The following FAR2 variants were observed in gnomAD, a reference collection of about 807,000 sequenced individuals.
FAR2 encodes fatty acyl-CoA reductase 2, also known as epididymis secretory protein Li 81.
A neutral mutation model predicts 56.0 loss-of-function variants in FAR2; 19 were observed. The ratio of observed to expected loss-of-function variants is 0.34; its 90% confidence interval spans 0.24 to 0.50. The LOEUF is 0.50. FAR2 is among the 20% of genes least tolerant of loss of function. The pLI is 0.98. For missense variants in FAR2, 508 were observed against 642.2 expected (o/e 0.79, Z 2.26); for synonymous variants, 219 against 218.8 (o/e 1.00, Z -0.01).
rs772722868 is a variant in FAR2 at position 29,333,811 on chromosome 12, C to G, written c.*17C>G. The G allele has an allele frequency of 5.6e-5, 91 of 1,610,650 alleles. No homozygotes were observed. Among genetic ancestry groups the G allele is most frequent in the Middle Eastern group, 1.6e-4 (1 of 6,062 alleles). On this transcript the variant is annotated 3_prime_UTR_variant, in exon 12 of 12. Transcript: ENST00000536681. ...AAAGTTTAAGAGCATTTAGCCATCG[C>G]TTTTTATCTGGAACCTCTCAGATAC... is the stretch of plus-strand genomic sequence containing the variant.
intron 1 of FAR2, among the ~76,000 whole-genome samples, chr12:29,184,249 A>G (rs1950017554): frequency 6.6e-6 from 1 of 152,174 alleles, no homozygotes; most frequent in South Asian, 2.1e-4. Context: ...CAGTTCTGGG[A>G]AAGATTAGGT....
At chr12:29,198,837 A>T (rs1055950425) in intron 1 of FAR2, among the ~76,000 whole-genome samples, 2 of 152,078 alleles carry the variant, frequency 1.3e-5, no homozygotes, top group Non-Finnish European at 2.9e-5. Context: ...GCCTCTCATG[A>T]TCATCCAGAG....
At chr12:29,260,439 G>A (rs1410281614) in intron 1 of FAR2, among the ~76,000 whole-genome samples, 1 of 152,174 alleles carries the variant, frequency 6.6e-6, no homozygotes, top group Non-Finnish European at 1.5e-5. Flanking sequence ...ACTGGCTTAT[G>A]TTTTGTTTTC....
intron 1 of FAR2, chr12:29,156,858 G>A (rs10843335): frequency 0.051 from 7,680 of 151,836 alleles, 252 homozygotes; most frequent in Middle Eastern, 0.099. Flanking sequence ...TCCATGGAAC[G>A]TAGAGTCAGA....
In FAR2 at chr12:29,314,522, A is replaced by G. The variant is rs1211122614; in HGVS notation, c.956-2319A>G. 3.3e-5 allele frequency among the ~76,000 whole-genome samples: 5 copies of G among 151,468 alleles called. No homozygotes were observed. In the South Asian group the frequency reaches 6.2e-4, roughly 19 times the overall value. ...GATTTAATGAGATAAAGTGCTTAGC[A>G]CAGTGATTAGAACGGTGAACATTTC... On this transcript the variant is annotated intron_variant, in intron 8 of 11. Transcript: ENST00000536681.
chr12:29,302,822 AGAG>A (rs1051202661), intron 4 of FAR2, among the ~76,000 whole-genome samples: 1 of 152,094 alleles, frequency 6.6e-6, no homozygotes, highest in Non-Finnish European at 1.5e-5. Flanking sequence ...CCATTACCAG[AGAG>A]GAGTAGTATG....
At chr12:29,216,609 A>G (rs1947624356) in intron 1 of FAR2, among the ~76,000 whole-genome samples, 1 of 152,186 alleles carries the variant, frequency 6.6e-6, no homozygotes, top group Non-Finnish European at 1.5e-5. Context: ...CATCAACTGC[A>G]CTTTATGCCT....
chr12:29,317,650 G>A (rs1949475402), intron 9 of FAR2: 1 of 152,602 alleles, frequency 6.6e-6, no homozygotes, highest in African/African-American at 2.4e-5. Flanking sequence ...CTGTCACTAG[G>A]GTTTTCTGAA....
intron 1 of FAR2, among the ~76,000 whole-genome samples, chr12:29,222,374 C>T (rs1489294154): frequency 6.6e-6 from 1 of 152,136 alleles, no homozygotes; most frequent in Non-Finnish European, 1.5e-5. Context: ...TTATTCAAGA[C>T]TATTGCAATA....
intron 1 of FAR2, among the ~76,000 whole-genome samples, chr12:29,173,386 A>T (rs11050100): frequency 0.043 from 6,551 of 152,196 alleles, 214 homozygotes; most frequent in East Asian, 0.1. Flanking sequence ...GGATATGGGG[A>T]TAAGCTGAGA....
intron 2 of FAR2, among the ~76,000 whole-genome samples, chr12:29,288,871 T>A (rs918199179): frequency 7.9e-5 from 12 of 152,206 alleles, no homozygotes; most frequent in Admixed American, 7.9e-4. Flanking sequence ...AATGGCATAC[T>A]GTCAGGCATA....
chr12:29,184,377 A>G (rs1172317812), intron 1 of FAR2, among the ~76,000 whole-genome samples: 1 of 137,292 alleles, frequency 7.3e-6, no homozygotes, highest in Non-Finnish European at 1.5e-5. Flanking sequence ...GTGAACAATT[A>G]TATGGGCTGG....
chr12:29,278,658 C>CTT (rs1409543632), intron 2 of FAR2, among the ~76,000 whole-genome samples: 4 of 152,114 alleles, frequency 2.6e-5, no homozygotes, highest in Non-Finnish European at 5.9e-5. Flanking sequence ...AGAGAACAGA[C>CTT]TTTTAACAAC....
At chr12:29,163,670 C>A (rs543469492) in intron 1 of FAR2, among the ~76,000 whole-genome samples, 1 of 152,310 alleles carries the variant, frequency 6.6e-6, no homozygotes, top group East Asian at 1.9e-4. Flanking sequence ...AGATTTCCAG[C>A]TGAGTGACTG....
At chr12:29,299,653 C>T (rs1472091325) in intron 4 of FAR2, among the ~76,000 whole-genome samples, 1 of 152,290 alleles carries the variant, frequency 6.6e-6, no homozygotes, top group East Asian at 1.9e-4. Context: ...AAAAGTCATA[C>T]TTATTATTTG....
chr12:29,238,881 C>T (rs1947981735), intron 1 of FAR2, among the ~76,000 whole-genome samples: 1 of 152,068 alleles, frequency 6.6e-6, no homozygotes, highest in Non-Finnish European at 1.5e-5. Flanking sequence ...CTTAAAACAA[C>T]ATGTAATTAT....
chr12:29,306,310 C>T (rs533944991), intron 4 of FAR2, among the ~76,000 whole-genome samples: 13 of 152,296 alleles, frequency 8.5e-5, no homozygotes, highest in African/African-American at 2.9e-4. Context: ...CCAGAACACA[C>T]TCAGCACTAA....
intron 1 of FAR2, among the ~76,000 whole-genome samples, chr12:29,216,304 T>G (rs1394243462): frequency 6.6e-6 from 1 of 152,204 alleles, no homozygotes; most frequent in Non-Finnish European, 1.5e-5. Flanking sequence ...TCTATTTCAC[T>G]GGTATCTTCA....
At position 29,333,808 on chromosome 12, in the gene FAR2, T is replaced by A; in HGVS notation, c.*14T>A. The A allele has an allele frequency of 6.2e-7, 1 of 1,611,186 alleles. No homozygotes were observed. The highest frequency in any genetic ancestry group is 8.5e-7 in the Non-Finnish European group (1 of 1,178,600). ...CTCAAAGTTTAAGAGCATTTAGCCA[T>A]CGCTTTTTATCTGGAACCTCTCAGA... On this transcript the variant is annotated 3_prime_UTR_variant, in exon 12 of 12. Transcript: ENST00000536681.
Sources: gnomAD v4.1 joint callset for allele counts (sites outside exome capture counted in the v4.1 genomes callset) on GRCh38, gnomAD v4.1.1 for gene constraint, MANE v1.5 for transcripts, NCBI Gene and HGNC (gene_info 2026-07-23, HGNC 2026-07-21) for gene names.